NBPF3: variants seen among roughly 807,000 people sequenced by gnomAD.
The protein encoded by NBPF3 is NBPF member 3.
Under a neutral mutation model 78.1 loss-of-function variants are expected in NBPF3, and 57 were observed. The observed-to-expected ratio is 0.73, with a 90% CI of 0.59 to 0.91. NBPF3 has a LOEUF of 0.91. NBPF3 is among the 40% of genes least tolerant of loss of function. The pLI, the probability that NBPF3 is intolerant of heterozygous loss-of-function variation, is 0.00. For missense variants in NBPF3, 510 were observed against 715.3 expected (o/e 0.71, Z 3.27); for synonymous variants, 182 against 271.7 (o/e 0.67, Z 3.25).
At chr1:21,442,509 C>T (rs1640715320) in intron 1 of NBPF3, among the ~76,000 whole-genome samples, 1 of 152,194 alleles carries the variant, frequency 6.6e-6, no homozygotes, top group Admixed American at 6.5e-5. Context: ...AGCCACTGCA[C>T]CCGGCCTGAG....
intron 2 of NBPF3, among the ~76,000 whole-genome samples, chr1:21,465,354 C>T (rs1642202689): frequency 6.6e-6 from 1 of 152,254 alleles, no homozygotes; most frequent in Non-Finnish European, 1.5e-5. Context: ...CAGGCCCCAC[C>T]TGAGCCCTCT....
Position 21,471,690 on chromosome 1 carries a change from G to C in NBPF3, c.568G>C (p.Asp190His), listed in dbSNP as rs146776348. Residue 190 changes from aspartate (D) to histidine (H), a missense_variant, in exon 5 of 15, where the codon GAT becomes CAT. Physicochemically the swap from Asp to His is moderately conservative, Grantham distance 81. Transcript: ENST00000318249. ...NQHLQALLTP[D>H]EPDNSQGRDL... ...GCATCTCCAGGCCCTCCTCACTCCG[G>C]ATGAGCCGGACAACTCCCAGGGACG... 823 of 1,613,338 alleles carry C rather than the reference G, an allele frequency of 5.1e-4. 6 individuals carry two copies. The highest frequency in any genetic ancestry group is 7.3e-4 in the Admixed American group (44 of 59,990).
chr1:21,479,876 T>C (rs539867136), intron 10 of NBPF3, among the ~76,000 whole-genome samples, 175 bp from the exon 11 acceptor site: 19 of 107,106 alleles, frequency 1.8e-4, no homozygotes, highest in Non-Finnish European at 3.7e-4. Context: ...TTCTCTTTCA[T>C]CCTTTTCTAC....
Position 21,468,341 on chromosome 1 carries a change from C to T in NBPF3, c.134-347C>T, listed in dbSNP as rs1570044370. 8 of 1,156,070 alleles carry T rather than the reference C, an allele frequency of 6.9e-6. No homozygotes were observed. In the East Asian group the frequency reaches 1.3e-4, roughly 19 times the overall value. 71.6% of individuals were successfully genotyped at this position (1,156,070 alleles called of 1,614,324 possible). ...CATTGGTGGTGACCCTCAGGTGAGACGAGGGTGCCTGTGTTTCAGCAAAGC... is the reference window on the plus strand; with the variant it reads ...CATTGGTGGTGACCCTCAGGTGAGATGAGGGTGCCTGTGTTTCAGCAAAGC... On this transcript the variant is annotated intron_variant, in intron 2 of 14. Transcript: ENST00000318249.
chr1:21,441,950 C>T (rs1393281816), intron 1 of NBPF3, among the ~76,000 whole-genome samples: 2 of 152,154 alleles, frequency 1.3e-5, no homozygotes, highest in African/African-American at 4.8e-5. Flanking sequence ...ATCATTTTGC[C>T]ATTCTAGTAG....
chr1:21,452,305 C>G (rs1399564662), intron 2 of NBPF3, among the ~76,000 whole-genome samples: 1 of 152,268 alleles, frequency 6.6e-6, no homozygotes, highest in African/African-American at 2.4e-5. Flanking sequence ...AGTTCAGCAA[C>G]CCAAGAGTGT....
In NBPF3 at chr1:21,478,201, T is replaced by C. The variant is rs1414820460; in HGVS notation, c.1050T>C (p.Asp350=). 3.7e-6 allele frequency: 6 copies of C among 1,614,162 alleles called. No homozygotes were observed. Among genetic ancestry groups the C allele is most frequent in the East Asian group, 2.2e-5 (1 of 44,876 alleles). The change falls in exon 9 of 15, where the codon GAT becomes GAC. Residue 350 remains aspartate (D), a synonymous_variant. Coordinates refer to ENST00000318249, the MANE Select transcript of NBPF3 (RefSeq NM_032264.6). The part of the protein sequence containing the change: ...EAPQESWDEG[D]WTLSIPPDMS... ...CCCAGGAGTCCTGGGATGAAGGTGA[T>C]TGGACTCTCTCAATTCCTCCTGACA...
At chr1:21,442,256 C>T (rs916029400) in intron 1 of NBPF3, 2 of 152,064 alleles carry the variant, frequency 1.3e-5, no homozygotes, top group African/African-American at 4.8e-5. Context: ...ACTCCATTGC[C>T]CAGGCTGGAG....
At position 21,484,828 on chromosome 1, in the gene NBPF3, AC is replaced by A. The variant is rs1278255902; in HGVS notation, c.*1443del. ...GCTAGTGTGTGTTGTTGAAAAAAAA[AC>A]ATTCTCTGCCTGAGTTTTAATTTTT... On this transcript the variant is annotated 3_prime_UTR_variant, in exon 15 of 15. Transcript: ENST00000318249. The A allele has an allele frequency of 1.7e-5, 1 of 57,310 alleles. No homozygotes were observed. Among genetic ancestry groups the A allele is most frequent in the African/African-American group, 4.6e-5 (1 of 21,722 alleles). The allele number at this position is 57,310 out of a possible 1,614,324, so 3.6% of individuals were successfully genotyped here. A position where few individuals can be genotyped will look rare whatever the true frequency, so the allele number is the denominator to read the frequency against.
intron 2 of NBPF3, among the ~76,000 whole-genome samples, chr1:21,455,640 T>C (rs889308514): frequency 1.3e-5 from 2 of 152,128 alleles, no homozygotes; most frequent in Admixed American, 1.3e-4. Flanking sequence ...GGCAGCCCAC[T>C]GAGCTGAGAA....
intron 13 of NBPF3, among the ~76,000 whole-genome samples, chr1:21,482,224 T>C (rs1174056177): frequency 7.4e-5 from 11 of 148,790 alleles, no homozygotes; most frequent in Non-Finnish European, 1.6e-4. Context: ...AGATATGGCA[T>C]AACCGTTTGC....
chr1:21,464,564 A>T (rs1457350016), intron 2 of NBPF3, among the ~76,000 whole-genome samples: 1 of 152,092 alleles, frequency 6.6e-6, no homozygotes, highest in East Asian at 1.9e-4. Flanking sequence ...GGAATATGGT[A>T]AAAGACACTG....
At chr1:21,466,184 A>G in intron 2 of NBPF3, 1 of 933,852 alleles carries the variant, frequency 1.1e-6, no homozygotes, top group Non-Finnish European at 1.3e-6. Context: ...TCCAGGTCAT[A>G]CTGAGAGACA....
In NBPF3 at chr1:21,473,430, A is replaced by T. The variant is rs1325283120; in HGVS notation, c.785A>T (p.Glu262Val). ...GAAGTCCCTGAGGACTCACTGGAGGAGTGTGCCATCACTTGTTCAAATAGC... is the reference window on the plus strand; with the variant it reads ...GAAGTCCCTGAGGACTCACTGGAGGTGTGTGCCATCACTTGTTCAAATAGC... Reference protein sequence around the residue: ...EKEVPEDSLEECAITCSNSHH... With the variant: ...EKEVPEDSLEVCAITCSNSHH... The change falls in exon 7 of 15, where the codon GAG (glutamate) becomes GTG (valine). Residue 262 changes from glutamate (E) to valine (V), a missense_variant. Transcript: ENST00000318249. 22 of 1,614,184 alleles carry T rather than the reference A, an allele frequency of 1.4e-5. No homozygotes were observed. Among genetic ancestry groups the T allele is most frequent in the Non-Finnish European group, 1.8e-5 (21 of 1,180,036 alleles).
At chr1:21,459,693 AT>A in intron 2 of NBPF3, 1 of 373,152 alleles carries the variant, frequency 2.7e-6, no homozygotes, top group Non-Finnish European at 5.5e-6. Flanking sequence ...ATGGGAGGCC[AT>A]TTCATAACAT....
chr1:21,448,051 AT>A (rs754106813), intron 2 of NBPF3, among the ~76,000 whole-genome samples: 1 of 151,996 alleles, frequency 6.6e-6, no homozygotes, highest in East Asian at 1.9e-4. Flanking sequence ...CCATCAGATT[AT>A]TTTGTAAATA....
chr1:21,451,187 A>G (rs1337991384), intron 2 of NBPF3, among the ~76,000 whole-genome samples: 2 of 152,210 alleles, frequency 1.3e-5, no homozygotes, highest in African/African-American at 4.8e-5. Flanking sequence ...TAGCCATTCC[A>G]TGGAATGAAT....
chr1:21,479,349 G>A lies in NBPF3; in HGVS notation c.1157G>A (p.Arg386Lys), dbSNP rs1397757284. The A allele has an allele frequency of 1.9e-6, 3 of 1,611,086 alleles. No individual in the cohort carries two copies. Among genetic ancestry groups the A allele is most frequent in the Middle Eastern group, 1.7e-4 (1 of 6,036 alleles). The change falls in exon 10 of 15, where the codon AGA becomes AAA. Residue 386 changes from arginine to lysine, a missense_variant and splice_region_variant. By Grantham distance (26) the Arg-to-Lys change is conservative. Transcript: ENST00000318249. ...AGGCCCTGTCTGAATTTATTTGCAG[G>A]ACATTGGTGTGATCAAGTGAAAAAG... ...QQVGLALDIG[R>K]HWCDQVKKED...
chr1:21,481,456 A>T, intron 12 of NBPF3, 141 bp from the exon 13 acceptor site: 1 of 1,091,906 alleles, frequency 9.2e-7, no homozygotes, highest in Admixed American at 2.5e-5. Flanking sequence ...ATCCCAACTG[A>T]GGGCAATAAT....
Sources: allele counts gnomAD v4.1 joint callset (sites outside exome capture counted in the v4.1 genomes callset), GRCh38; gene constraint gnomAD v4.1.1; transcripts MANE v1.5; gene names NCBI Gene and HGNC (gene_info 2026-07-23, HGNC 2026-07-21).